THRB: variants seen among roughly 807,000 people sequenced by gnomAD.
THRB encodes nuclear receptor subfamily 1 group A member 2.
THRB carries 12 observed loss-of-function variants against 47.8 expected under a neutral mutation model. The ratio of observed to expected loss-of-function variants is 0.25; its 90% CI spans 0.16 to 0.41. The LOEUF is 0.41. Among genes scored for constraint, THRB ranks in the 10% least tolerant of loss-of-function variants. THRB has a pLI of 1.00. For missense variants in THRB, 348 were observed against 589.2 expected, an observed-to-expected ratio of 0.59 and a Z score of 4.24; for synonymous variants, 218 against 212.2, an observed-to-expected ratio of 1.03 and a Z score of -0.24.
chr3:24,405,852 T>C (rs2067782811), intron 1 of THRB, among the ~76,000 whole-genome samples: 1 of 151,722 alleles, frequency 6.6e-6, no homozygotes, highest in African/African-American at 2.4e-5. Context: ...ATATTGATTC[T>C]TTCTGTCAAT....
At chr3:24,450,331 A>C (rs2072527840) in intron 1 of THRB, among the ~76,000 whole-genome samples, 1 of 152,140 alleles carries the variant, frequency 6.6e-6, no homozygotes, top group Non-Finnish European at 1.5e-5. Flanking sequence ...TTTACAGTAG[A>C]CCTCACATTT....
intron 1 of THRB, among the ~76,000 whole-genome samples, chr3:24,420,270 A>G (rs762031018): frequency 1.3e-5 from 2 of 151,910 alleles, no homozygotes; most frequent in African/African-American, 2.4e-5. Flanking sequence ...GGACTTCAAG[A>G]TGGAACCAGC....
At chr3:24,484,147 G>A (rs1228252584) in intron 1 of THRB, 1 of 152,166 alleles carries the variant, frequency 6.6e-6, no homozygotes. Flanking sequence ...CAACTCACAT[G>A]AGTGAAAAAT....
chr3:24,200,919 A>G (rs528973693), intron 4 of THRB, among the ~76,000 whole-genome samples: 33 of 152,302 alleles, frequency 2.2e-4, no homozygotes, highest in African/African-American at 7.0e-4. Context: ...AACATATTTT[A>G]TGAAATGGGC....
At chr3:24,207,881 A>G (rs1476685335) in intron 4 of THRB, among the ~76,000 whole-genome samples, 3 of 152,216 alleles carry the variant, frequency 2.0e-5, no homozygotes, top group Non-Finnish European at 2.9e-5. Flanking sequence ...TATGGTATTC[A>G]ATTAGGAAAA....
At chr3:24,368,087 T>C (rs28489004) in intron 1 of THRB, among the ~76,000 whole-genome samples, 9,899 of 152,240 alleles carry the variant, frequency 0.065, 1,056 homozygotes, top group African/African-American at 0.22. Context: ...CATATGTAAT[T>C]ATTTTATGAT....
intron 4 of THRB, among the ~76,000 whole-genome samples, chr3:24,202,913 C>T (rs1476580362): frequency 2.6e-5 from 4 of 152,186 alleles, no homozygotes; most frequent in African/African-American, 9.7e-5. Context: ...GTCACAGTCA[C>T]AAAAGTAATT....
chr3:24,247,107 G>T (rs1057171299), intron 3 of THRB, among the ~76,000 whole-genome samples: 4 of 152,208 alleles, frequency 2.6e-5, no homozygotes, highest in Non-Finnish European at 5.9e-5. Flanking sequence ...TCTTGGCTTT[G>T]AGTAGAAATC....
At chr3:24,416,881 A>C (rs1031037909) in intron 1 of THRB, among the ~76,000 whole-genome samples, 1 of 151,874 alleles carries the variant, frequency 6.6e-6, no homozygotes, top group Non-Finnish European at 1.5e-5. Context: ...GAGACTCAAT[A>C]GACTAGATAG....
rs560088473 is a variant in THRB at position 24,429,532 on chromosome 3, C to T, written c.-261+65120G>A. On this transcript the variant is annotated intron_variant, in intron 1 of 10. Transcript: ENST00000646209. The stretch of plus-strand genomic sequence containing the variant: ...TGGTATGTAGAAATCTCCCATTGAG[C>T]TCTGTCCTGTCAAAAAATTTATTGA... Among the ~76,000 whole-genome samples, 3 of 152,102 alleles carry T rather than the reference C, an allele frequency of 2.0e-5. No individual in the cohort carries two copies. In the South Asian group the frequency reaches 6.2e-4, roughly 32 times the overall value.
rs534595518 is a variant in THRB at position 24,162,157 on chromosome 3, C to T, written c.284-9667G>A. ...TTTGTGATGGAAACAGCTAGCACTT[C>T]CACCCACAAAAGGATTTTTTTTTTT... On this transcript the variant is annotated intron_variant, in intron 5 of 10. Transcript: ENST00000646209. Among the ~76,000 whole-genome samples, 479 of 151,552 alleles carry T rather than the reference C, an allele frequency of 3.2e-3. 1 individual carries two copies. Among genetic ancestry groups the T allele is most frequent in the Middle Eastern group, 0.01 (3 of 292 alleles).
At chr3:24,264,856 G>A (rs888825758) in intron 3 of THRB, among the ~76,000 whole-genome samples, 1 of 152,060 alleles carries the variant, frequency 6.6e-6, no homozygotes, top group African/African-American at 2.4e-5. Context: ...CCACAAGAGG[G>A]CAGTCCTCCT....
At chr3:24,458,592 C>G (rs1481607202) in intron 1 of THRB, 1 of 152,110 alleles carries the variant, frequency 6.6e-6, no homozygotes, top group Non-Finnish European at 1.5e-5. Flanking sequence ...TTTCCTCCAC[C>G]AAACATTTTA....
intron 5 of THRB, among the ~76,000 whole-genome samples, chr3:24,161,681 G>A (rs927485936): frequency 3.5e-5 from 5 of 142,248 alleles, no homozygotes; most frequent in Admixed American, 7.2e-5. Context: ...CAAGTCAGAG[G>A]AACAATGAAA....
chr3:24,438,536 T>TGTGTGTGTGTGTGC (rs966247174), intron 1 of THRB, among the ~76,000 whole-genome samples: 1 of 150,952 alleles, frequency 6.6e-6, no homozygotes, highest in Non-Finnish European at 1.5e-5. Flanking sequence ...TGTGTGTGTG[T>TGTGTGTGTGTGTGC]GCACATGCAT....
At chr3:24,293,934 T>C (rs1019745021) in intron 3 of THRB, among the ~76,000 whole-genome samples, 4 of 152,232 alleles carry the variant, frequency 2.6e-5, no homozygotes, top group South Asian at 4.1e-4. Context: ...GTGTGGTAGA[T>C]TGTTTCCACA....
intron 4 of THRB, among the ~76,000 whole-genome samples, chr3:24,198,994 A>G (rs1318007558): frequency 6.6e-6 from 1 of 152,210 alleles, no homozygotes; most frequent in South Asian, 2.1e-4. Flanking sequence ...AATCATAATA[A>G]TGTTAGTGAT....
chr3:24,202,529 C>G (rs553759675), intron 4 of THRB, among the ~76,000 whole-genome samples: 9 of 152,230 alleles, frequency 5.9e-5, no homozygotes, highest in East Asian at 3.9e-4. Context: ...AACGGCCAAA[C>G]TTAAAAAGAT....
intron 3 of THRB, among the ~76,000 whole-genome samples, chr3:24,273,322 A>G (rs1192264671): frequency 6.6e-6 from 1 of 152,210 alleles, no homozygotes; most frequent in Non-Finnish European, 1.5e-5. Context: ...AGTGGACAAT[A>G]TAGATTTCCC....
Sources: gnomAD v4.1 joint callset for allele counts (sites outside exome capture counted in the v4.1 genomes callset) on GRCh38, gnomAD v4.1.1 for gene constraint, MANE v1.5 for transcripts, NCBI Gene and HGNC (gene_info 2026-07-23, HGNC 2026-07-21) for gene names.